SRGAP3: variants seen among roughly 807,000 people sequenced by gnomAD.
The protein encoded by SRGAP3 is SLIT-ROBO Rho GTPase-activating protein 3.
A neutral mutation model predicts 121.1 loss-of-function variants in SRGAP3; 39 were observed. The observed-to-expected ratio is 0.32, with a 90% CI of 0.25 to 0.42. The LOEUF (loss-of-function observed/expected upper bound fraction) is 0.42. Ranked by LOEUF, SRGAP3 falls within the 10% of genes least tolerant of loss-of-function variation. The pLI is 1.00. For missense variants in SRGAP3, 1,213 were observed against 1,470.6 expected (o/e 0.82, Z 2.86); for synonymous variants, 601 against 570.0 (o/e 1.05, Z -0.77).
rs1942166994 is a variant in SRGAP3 at position 8,993,093 on chromosome 3, C to G, written c.2409-38G>C. ...CAGACATGAATTGGAGGCACCTTCCCCCAAAGAACCCAGCATATACAGAGC... is the reference window on the plus strand; with the variant it reads ...CAGACATGAATTGGAGGCACCTTCCGCCAAAGAACCCAGCATATACAGAGC... On this transcript the variant is annotated intron_variant, in intron 19 of 21. Coordinates refer to ENST00000383836, the MANE Select transcript of SRGAP3 (RefSeq NM_014850.4). 2.5e-6 allele frequency: 4 copies of G among 1,611,890 alleles called. No individual in the cohort carries two copies. In the African/African-American group the frequency reaches 4.0e-5, roughly 16 times the overall value.
At chr3:9,037,445 G>C (rs527186) in intron 11 of SRGAP3, 51,224 of 149,690 alleles carry the variant, frequency 0.34, 8,660 homozygotes, top group East Asian at 0.5. Context: ...GTCTGCTCAG[G>C]AAAAAGCGCA....
chr3:9,308,327 A>G (rs187369003), intron 3 of SRGAP3, among the ~76,000 whole-genome samples: 1 of 152,348 alleles, frequency 6.6e-6, no homozygotes, highest in African/African-American at 2.4e-5. Flanking sequence ...GGTGTTTTAA[A>G]AAGCATATAA....
intron 1 of SRGAP3, among the ~76,000 whole-genome samples, chr3:9,347,809 GC>G (rs1300223748): frequency 6.6e-6 from 1 of 152,214 alleles, no homozygotes; most frequent in Non-Finnish European, 1.5e-5. Flanking sequence ...ATTTCCACCA[GC>G]CCAACTTGCA....
chr3:9,054,682 T>G (rs1165673710), intron 8 of SRGAP3, among the ~76,000 whole-genome samples: 1 of 152,244 alleles, frequency 6.6e-6, no homozygotes, highest in Non-Finnish European at 1.5e-5. Flanking sequence ...TCAAGTATTT[T>G]ACAGAGTTTG....
chr3:9,127,480 G>A (rs1048826934), intron 1 of SRGAP3, among the ~76,000 whole-genome samples: 4 of 152,168 alleles, frequency 2.6e-5, no homozygotes, highest in Non-Finnish European at 5.9e-5. Context: ...ACGGAGTCTC[G>A]CTCTGTCGCC....
At chr3:9,230,050 T>G (rs1003024149) in intron 1 of SRGAP3, among the ~76,000 whole-genome samples, 1 of 152,188 alleles carries the variant, frequency 6.6e-6, no homozygotes, top group Admixed American at 6.5e-5. Flanking sequence ...CTGACAGCAC[T>G]AGAATTTAAA....
chr3:9,043,311 C>T (rs1444563803), intron 10 of SRGAP3, among the ~76,000 whole-genome samples: 1 of 152,084 alleles, frequency 6.6e-6, no homozygotes, highest in Admixed American at 6.5e-5. Flanking sequence ...ACCACCACAC[C>T]GGGCTCAATT....
chr3:9,356,005 T>C (rs1381282260), intron 1 of SRGAP3: 1 of 152,144 alleles, frequency 6.6e-6, no homozygotes, highest in East Asian at 1.9e-4. Flanking sequence ...TTCATCTAGG[T>C]AGAGCCCTCA....
chr3:9,314,864 G>A (rs771885195), intron 3 of SRGAP3, among the ~76,000 whole-genome samples: 4 of 152,088 alleles, frequency 2.6e-5, no homozygotes, highest in Admixed American at 6.6e-5. Context: ...ACTGGAGCCC[G>A]GGTTCTGATA....
chr3:9,225,926 T>G (rs1201760408), intron 1 of SRGAP3, among the ~76,000 whole-genome samples: 2 of 152,222 alleles, frequency 1.3e-5, no homozygotes. Context: ...GAAGTCCATA[T>G]TTTATACAAA....
intron 1 of SRGAP3, among the ~76,000 whole-genome samples, chr3:9,233,169 C>A (rs77015398): frequency 0.011 from 1,631 of 152,310 alleles, 11 homozygotes; most frequent in African/African-American, 0.024. Flanking sequence ...CAATTAATTA[C>A]CCACACACAC....
intron 5 of SRGAP3, among the ~76,000 whole-genome samples, chr3:9,060,816 TGC>T (rs1946127587): frequency 6.6e-6 from 1 of 152,008 alleles, no homozygotes; most frequent in Non-Finnish European, 1.5e-5. Context: ...GACCTCCATC[TGC>T]TAGATGAGTA....
chr3:9,080,524 C>T (rs1947189719), intron 3 of SRGAP3, among the ~76,000 whole-genome samples: 1 of 152,170 alleles, frequency 6.6e-6, no homozygotes, highest in Non-Finnish European at 1.5e-5. Flanking sequence ...TTTGGCATCC[C>T]AATTCCTCTT....
At chr3:9,296,393 T>A (rs1954955401) in intron 3 of SRGAP3, among the ~76,000 whole-genome samples, 1 of 152,222 alleles carries the variant, frequency 6.6e-6, no homozygotes, top group African/African-American at 2.4e-5. Flanking sequence ...GGATTAGTAA[T>A]GTTGAACATC....
chr3:9,259,055 A>G (rs1386297926), intron 3 of SRGAP3, among the ~76,000 whole-genome samples: 1 of 151,370 alleles, frequency 6.6e-6, no homozygotes, highest in Non-Finnish European at 1.5e-5. Flanking sequence ...CTTGCTCCCT[A>G]CTCCGGGCCA....
At chr3:9,308,510 C>G (rs1161772848) in intron 3 of SRGAP3, among the ~76,000 whole-genome samples, 1 of 152,124 alleles carries the variant, frequency 6.6e-6, no homozygotes, top group Non-Finnish European at 1.5e-5. Flanking sequence ...ACAAAGGTAG[C>G]AATTATCACT....
At chr3:9,311,409 G>C (rs1955243130) in intron 3 of SRGAP3, among the ~76,000 whole-genome samples, 1 of 152,160 alleles carries the variant, frequency 6.6e-6, no homozygotes, top group African/African-American at 2.4e-5. Context: ...GGAAACTTTG[G>C]CATTACTGTA....
At chr3:9,237,605 G>A (rs1237724375) in intron 1 of SRGAP3, among the ~76,000 whole-genome samples, 2 of 152,216 alleles carry the variant, frequency 1.3e-5, no homozygotes, top group Non-Finnish European at 2.9e-5. Context: ...CCAATCAAGT[G>A]GCAATCCAGG....
intron 1 of SRGAP3, among the ~76,000 whole-genome samples, chr3:9,230,039 A>G (rs1335638912): frequency 2.0e-5 from 3 of 152,222 alleles, no homozygotes; most frequent in Admixed American, 2.0e-4. Flanking sequence ...CAACTCATTC[A>G]CTGACAGCAC....
Sources: allele counts gnomAD v4.1 joint callset (sites outside exome capture counted in the v4.1 genomes callset), GRCh38; gene constraint gnomAD v4.1.1; transcripts MANE v1.5; gene names NCBI Gene and HGNC (gene_info 2026-07-23, HGNC 2026-07-21).